The following NXPH1 variants were observed in gnomAD, a reference collection of about 807,000 sequenced individuals.
The protein encoded by NXPH1 is neurexophilin-1.
A neutral mutation model predicts 23.7 loss-of-function variants in NXPH1; 5 were observed. That is an observed-to-expected ratio of 0.21 (90% CI 0.11 to 0.44). The LOEUF (loss-of-function observed/expected upper bound fraction) is 0.44. Ranked by LOEUF, NXPH1 falls within the 20% of genes least tolerant of loss-of-function variation. The pLI is 0.99. For missense variants in NXPH1, 324 were observed against 321.6 expected (o/e 1.01, Z -0.06); for synonymous variants, 144 against 122.2 (o/e 1.18, Z -1.18).
intron 2 of NXPH1, among the ~76,000 whole-genome samples, chr7:8,574,809 C>A (rs1818721559): frequency 6.6e-6 from 1 of 152,168 alleles, no homozygotes; most frequent in African/African-American, 2.4e-5. Context: ...AATAGAGTTT[C>A]TCTGGCATGG....
At chr7:8,439,468 T>C (rs1161909027) in intron 2 of NXPH1, among the ~76,000 whole-genome samples, 1 of 152,210 alleles carries the variant, frequency 6.6e-6, no homozygotes. Flanking sequence ...AGAAATTGAA[T>C]CCAATGCATC....
chr7:8,548,489 C>T (rs776083379), intron 2 of NXPH1, among the ~76,000 whole-genome samples: 1 of 151,468 alleles, frequency 6.6e-6, no homozygotes, highest in African/African-American at 2.4e-5. Flanking sequence ...CTTAATAAGC[C>T]TATAAAGTAG....
intron 2 of NXPH1, among the ~76,000 whole-genome samples, chr7:8,513,837 C>T (rs1377192963): frequency 6.6e-6 from 1 of 152,092 alleles, no homozygotes; most frequent in Non-Finnish European, 1.5e-5. Context: ...AAAAGTAGCA[C>T]AAACTTGGAG....
At chr7:8,691,304 A>G (rs1157155991) in intron 2 of NXPH1, among the ~76,000 whole-genome samples, 2 of 152,062 alleles carry the variant, frequency 1.3e-5, no homozygotes, top group Non-Finnish European at 2.9e-5. Context: ...ATGCACCAGC[A>G]CGTCCAGCTA....
chr7:8,733,676 C>G (rs942106247), intron 2 of NXPH1, among the ~76,000 whole-genome samples: 1 of 152,074 alleles, frequency 6.6e-6, no homozygotes, highest in Middle Eastern at 3.2e-3. Flanking sequence ...ACATAAATGT[C>G]TTCTTTCGAG....
chr7:8,534,295 C>G (rs1347755303), intron 2 of NXPH1, among the ~76,000 whole-genome samples: 1 of 152,012 alleles, frequency 6.6e-6, no homozygotes, highest in Non-Finnish European at 1.5e-5. Flanking sequence ...CCCTTCAGAG[C>G]CATAAAGGAA....
At chr7:8,460,601 C>A (rs1196201361) in intron 2 of NXPH1, among the ~76,000 whole-genome samples, 1 of 152,102 alleles carries the variant, frequency 6.6e-6, no homozygotes, top group Non-Finnish European at 1.5e-5. Context: ...TTGCATTGAC[C>A]ATTGGACATG....
intron 2 of NXPH1, among the ~76,000 whole-genome samples, chr7:8,710,868 T>A (rs1416809318): frequency 1.7e-5 from 2 of 116,284 alleles, no homozygotes; most frequent in Non-Finnish European, 3.3e-5. Context: ...TTCACCGTGT[T>A]AGCCAGGATG....
In NXPH1 at chr7:8,467,631, G is replaced by A. The variant is rs769341; in HGVS notation, c.54+31864G>A. On this transcript the variant is annotated intron_variant, in intron 2 of 2. Coordinates refer to ENST00000405863, the MANE Select transcript of NXPH1 (RefSeq NM_152745.3). ...TACCTTTGACTGGGCTTCTTAACCT[G>A]TAAATGAAAATGTTGCATTTTGGGT... Among the ~76,000 whole-genome samples, 226 of 152,240 alleles carry A rather than the reference G, an allele frequency of 1.5e-3. 1 individual carries two copies. The highest frequency in any genetic ancestry group is 5.0e-3 in the African/African-American group (207 of 41,544).
intron 2 of NXPH1, among the ~76,000 whole-genome samples, chr7:8,465,685 A>G (rs183038972): frequency 2.0e-5 from 3 of 152,328 alleles, no homozygotes; most frequent in Admixed American, 6.5e-5. Context: ...GGTGGCACTT[A>G]CACTTAGAAA....
intron 2 of NXPH1, among the ~76,000 whole-genome samples, chr7:8,475,316 C>T (rs2128609023): frequency 6.6e-6 from 1 of 152,110 alleles, no homozygotes; most frequent in African/African-American, 2.4e-5. Flanking sequence ...TTGAGGTTTA[C>T]CTTTAATAGG....
intron 2 of NXPH1, among the ~76,000 whole-genome samples, chr7:8,672,818 A>G (rs947325853): frequency 2.0e-5 from 3 of 152,166 alleles, no homozygotes; most frequent in African/African-American, 7.2e-5. Flanking sequence ...CTTATCCCAC[A>G]GTCTGCTCTG....
rs77753632 is a variant in NXPH1, at chr7:8,674,278, A to T, written c.55-76730A>T. On this transcript the variant is annotated intron_variant, in intron 2 of 2. Coordinates refer to ENST00000405863, the MANE Select transcript of NXPH1 (RefSeq NM_152745.3). ...TTCTATTGTACAAATGGAAAAATTGAAGATGAGAAAAATTCTGTGGGTTGC... is the reference window on the plus strand; with the variant it reads ...TTCTATTGTACAAATGGAAAAATTGTAGATGAGAAAAATTCTGTGGGTTGC... 1.1e-4 allele frequency among the ~76,000 whole-genome samples: 17 copies of T among 152,146 alleles called. No homozygotes were observed. The East Asian group carries it at 3.3e-3, about 29-fold the overall frequency.
intron 2 of NXPH1, among the ~76,000 whole-genome samples, chr7:8,604,653 C>T (rs1018556200): frequency 2.0e-5 from 3 of 152,036 alleles, no homozygotes; most frequent in Admixed American, 6.6e-5. Context: ...TTTTATCATA[C>T]TATATATGCC....
At chr7:8,653,065 A>T (rs1049348001) in intron 2 of NXPH1, among the ~76,000 whole-genome samples, 3 of 151,552 alleles carry the variant, frequency 2.0e-5, no homozygotes, top group Non-Finnish European at 2.9e-5. Flanking sequence ...TTAAGTTTTC[A>T]CAAATCTATG....
intron 2 of NXPH1, among the ~76,000 whole-genome samples, chr7:8,512,238 A>G (rs1201977835): frequency 1.3e-5 from 2 of 152,142 alleles, no homozygotes; most frequent in Non-Finnish European, 2.9e-5. Context: ...AATCTTAACC[A>G]ACTGTTATTT....
chr7:8,741,546 C>T (rs1390736036), intron 2 of NXPH1, among the ~76,000 whole-genome samples: 1 of 152,122 alleles, frequency 6.6e-6, no homozygotes, highest in Non-Finnish European at 1.5e-5. Flanking sequence ...TCCCTTTCTC[C>T]ACATCGTGTT....
intron 2 of NXPH1, among the ~76,000 whole-genome samples, chr7:8,588,222 A>G (rs879573652): frequency 1.3e-5 from 2 of 152,214 alleles, no homozygotes; most frequent in African/African-American, 2.4e-5. Context: ...CAGAAATACC[A>G]TTTGACACAG....
At chr7:8,462,935 T>G (rs560809980) in intron 2 of NXPH1, among the ~76,000 whole-genome samples, 7 of 152,260 alleles carry the variant, frequency 4.6e-5, no homozygotes, top group East Asian at 1.9e-4. Flanking sequence ...TCTCAAAGTT[T>G]GAAGAGACAT....
Sources: gnomAD v4.1 joint callset for allele counts (sites outside exome capture counted in the v4.1 genomes callset) on GRCh38, gnomAD v4.1.1 for gene constraint, MANE v1.5 for transcripts, NCBI Gene and HGNC (gene_info 2026-07-23, HGNC 2026-07-21) for gene names.